Variants in VIPR2 observed in about 807,000 individuals in gnomAD.
The protein encoded by VIPR2 is vasoactive intestinal peptide receptor 2.
VIPR2 carries 48 observed loss-of-function variants against 58.0 expected under a neutral mutation model. That is an observed-to-expected ratio of 0.83 (90% CI 0.66 to 1.05). The LOEUF (loss-of-function observed/expected upper bound fraction) is 1.05, where lower values mean the gene tolerates loss of function less well. Ranked by LOEUF, VIPR2 falls within the 50% of genes least tolerant of loss-of-function variation. VIPR2 has a pLI of 0.00. For synonymous variants in VIPR2, 243 were observed against 235.2 expected (o/e 1.03, Z -0.30); for missense variants, 534 against 558.0 (o/e 0.96, Z 0.43).
At chr7:159,133,447 A>G (rs1225571972) in intron 2 of VIPR2, among the ~76,000 whole-genome samples, 2 of 152,306 alleles carry the variant, frequency 1.3e-5, no homozygotes, top group African/African-American at 2.4e-5. Flanking sequence ...GAAGGGAGAA[A>G]AAATGGGAAC....
chr7:159,102,511 T>C (rs375997695), intron 4 of VIPR2, among the ~76,000 whole-genome samples: 1 of 152,194 alleles, frequency 6.6e-6, no homozygotes, highest in African/African-American at 2.4e-5. Flanking sequence ...CTTCCAATCG[T>C]TGGGATATTG....
At chr7:159,054,159 A>G (rs1273728723) in intron 5 of VIPR2, among the ~76,000 whole-genome samples, 1 of 152,146 alleles carries the variant, frequency 6.6e-6, no homozygotes, top group Non-Finnish European at 1.5e-5. Flanking sequence ...GGATACACAC[A>G]CTGAAAGCCC....
At chr7:159,071,880 C>T (rs1464645228) in intron 4 of VIPR2, among the ~76,000 whole-genome samples, 2 of 149,458 alleles carry the variant, frequency 1.3e-5, no homozygotes, top group African/African-American at 4.9e-5. Flanking sequence ...GCAGCACCTG[C>T]TGGATGAAGG....
intron 2 of VIPR2, among the ~76,000 whole-genome samples, chr7:159,120,334 GC>G (rs940078309): frequency 6.6e-6 from 1 of 152,152 alleles, no homozygotes; most frequent in Non-Finnish European, 1.5e-5. Flanking sequence ...AGGCAGCAAA[GC>G]AGGGCCGGAT....
intron 2 of VIPR2, among the ~76,000 whole-genome samples, chr7:159,138,406 A>G (rs936466403): frequency 6.6e-6 from 1 of 152,244 alleles, no homozygotes; most frequent in Non-Finnish European, 1.5e-5. Context: ...TTCCCATTTT[A>G]TATGAGTGGC....
chr7:159,093,500 A>T lies in VIPR2; in HGVS notation c.357+10257T>A, dbSNP rs1028243314. On this transcript the variant is annotated intron_variant, in intron 4 of 12. Coordinates refer to ENST00000262178, the MANE Select transcript of VIPR2 (RefSeq NM_003382.5). The surrounding 1 kb of genome is among the most constrained non-coding windows in gnomAD (Gnocchi z 6.7). ...TCCAACTCACTCAGGGGAGATTTTTAAAAATAGTCTTATTTCTCACAAAAA... is the reference window on the plus strand; with the variant it reads ...TCCAACTCACTCAGGGGAGATTTTTTAAAATAGTCTTATTTCTCACAAAAA... Among the ~76,000 whole-genome samples, 1 of 152,116 alleles carries T rather than the reference A, an allele frequency of 6.6e-6. No individual in the cohort carries two copies. The highest frequency in any genetic ancestry group is 1.5e-5 in the Non-Finnish European group (1 of 68,022).
chr7:159,031,127 G>A lies in VIPR2; in HGVS notation c.1144-338C>T, dbSNP rs1451134863. On this transcript the variant is annotated intron_variant, in intron 12 of 12. Transcript: ENST00000262178. This position sits in a 1 kb window ranked among gnomAD's most constrained non-coding sequence, Gnocchi z 4.0. ...AGCAGCCGGGGTTGTGACGGTGCTG[G>A]GCCTCCGTCTCCTTCCCTGTTCCCA... is the stretch of plus-strand genomic sequence containing the variant. 1.3e-5 allele frequency among the ~76,000 whole-genome samples: 2 copies of A among 152,166 alleles called. No homozygotes were observed. Among genetic ancestry groups the A allele is most frequent in the African/African-American group, 4.8e-5 (2 of 41,442 alleles).
intron 4 of VIPR2, among the ~76,000 whole-genome samples, chr7:159,064,968 C>G (rs1339416135): frequency 6.6e-6 from 1 of 152,214 alleles, no homozygotes; most frequent in Non-Finnish European, 1.5e-5. Flanking sequence ...TACCGAGAAC[C>G]TGCCCACCTT....
intron 7 of VIPR2, 59 bp from the exon 8 acceptor site, chr7:159,036,071 G>GGTGC: frequency 6.4e-7 from 1 of 1,550,684 alleles, no homozygotes; most frequent in Non-Finnish European, 8.8e-7. Context: ...CACACAGGTG[G>GGTGC]GTGCCTTCAC....
In VIPR2 at chr7:159,029,005, ACTG is replaced by A. The variant is rs1460902931; in HGVS notation, c.*1608_*1610del. The stretch of plus-strand genomic sequence containing the variant: ...TTTGGGGATTGAGGGGTCTCTGGAC[ACTG>A]CTGCTTTGCTGTCCTAACAGCCCCT... On this transcript the variant is annotated 3_prime_UTR_variant, in exon 13 of 13. Coordinates refer to ENST00000262178, the MANE Select transcript of VIPR2 (RefSeq NM_003382.5). 1 of 152,286 alleles carries A rather than the reference ACTG, an allele frequency of 6.6e-6. No homozygotes were observed. Among genetic ancestry groups the A allele is most frequent in the African/African-American group, 2.4e-5 (1 of 41,444 alleles). The allele number at this position is 152,286 out of a possible 1,614,324, so 9.4% of individuals were successfully genotyped here. A position where few individuals can be genotyped will look rare whatever the true frequency, so the allele number is the denominator to read the frequency against.
intron 5 of VIPR2, among the ~76,000 whole-genome samples, chr7:159,051,566 C>T (rs1284144263): frequency 3.3e-5 from 5 of 152,010 alleles, no homozygotes; most frequent in African/African-American, 9.7e-5. Flanking sequence ...GTAGACTGTG[C>T]GTATGAAAAT....
intron 10 of VIPR2, among the ~76,000 whole-genome samples, chr7:159,033,847 G>C (rs954264481): frequency 4.6e-5 from 7 of 152,204 alleles, no homozygotes; most frequent in Non-Finnish European, 1.0e-4. Flanking sequence ...AAACAAGCAA[G>C]TTCACTGGAG....
intron 4 of VIPR2, among the ~76,000 whole-genome samples, chr7:159,063,641 G>A (rs1272991645): frequency 2.0e-5 from 3 of 151,136 alleles, no homozygotes; most frequent in South Asian, 4.2e-4. Context: ...AGGCAGAGGA[G>A]GCGCCAAGAG....
intron 4 of VIPR2, among the ~76,000 whole-genome samples, chr7:159,067,714 C>T (rs960678338): frequency 6.6e-6 from 1 of 152,176 alleles, no homozygotes; most frequent in Non-Finnish European, 1.5e-5. Flanking sequence ...GGGAGTGGCT[C>T]GGTCACAGCA....
intron 3 of VIPR2, among the ~76,000 whole-genome samples, chr7:159,107,777 G>A (rs1431953140): frequency 1.3e-5 from 2 of 152,254 alleles, no homozygotes; most frequent in Admixed American, 6.5e-5. Flanking sequence ...AGGACCTGGA[G>A]AAGGAGCTGC....
At chr7:159,064,571 G>A (rs1855975982) in intron 4 of VIPR2, among the ~76,000 whole-genome samples, 1 of 152,176 alleles carries the variant, frequency 6.6e-6, no homozygotes, top group South Asian at 2.1e-4. Context: ...GTCGGGTGGG[G>A]CTTCGAGGTT....
chr7:159,117,245 C>G, intron 2 of VIPR2: 1 of 706,132 alleles, frequency 1.4e-6, no homozygotes, highest in Non-Finnish European at 2.6e-6. Context: ...ATGGGACTTG[C>G]TTTATCACCA....
intron 5 of VIPR2, among the ~76,000 whole-genome samples, chr7:159,048,199 T>C (rs1366657355): frequency 6.6e-6 from 1 of 152,234 alleles, no homozygotes; most frequent in Non-Finnish European, 1.5e-5. Flanking sequence ...AATTTATGCA[T>C]TGCCCCTTGG....
chr7:159,142,393 A>G (rs1797510693), intron 2 of VIPR2, 53 bp downstream of exon 2: 3 of 1,409,128 alleles, frequency 2.1e-6, no homozygotes, highest in African/African-American at 1.4e-5. Context: ...AGTGAGGCGC[A>G]TTCCCGGGTG....
Sources: gnomAD v4.1 joint callset for allele counts (sites outside exome capture counted in the v4.1 genomes callset) on GRCh38, gnomAD v4.1.1 for gene constraint, Gnocchi (gnomAD v3.1) non-coding constraint, MANE v1.5 for transcripts, NCBI Gene and HGNC (gene_info 2026-07-23, HGNC 2026-07-21) for gene names.